ARSG: variants seen among roughly 807,000 people sequenced by gnomAD.
The protein encoded by ARSG is arylsulfatase G.
In ARSG, 37 loss-of-function variants were observed where a neutral mutation model predicts 50.5. The ratio of observed to expected loss-of-function variants is 0.73; its 90% CI spans 0.56 to 0.96. ARSG has a LOEUF of 0.96. Among genes scored for constraint, ARSG ranks in the 50% least tolerant of loss-of-function variants. ARSG has a pLI of 0.00. For synonymous variants in ARSG, 225 were observed against 254.6 expected (o/e 0.88, Z 1.11); for missense variants, 629 against 675.3 (o/e 0.93, Z 0.76).
At chr17:68,387,960 G>A (rs1169146592) in intron 9 of ARSG, among the ~76,000 whole-genome samples, 1 of 152,086 alleles carries the variant, frequency 6.6e-6, no homozygotes, top group Non-Finnish European at 1.5e-5. Flanking sequence ...TGTTAATATC[G>A]GTGTGTACCT....
At chr17:68,431,151 A>G in the ARSG span, among the ~76,000 whole-genome samples, 1 of 152,196 alleles carries the variant, frequency 6.6e-6, no homozygotes, top group East Asian at 1.9e-4. Flanking sequence ...AGATTGAGAG[A>G]GCACGGGTGT....
chr17:68,438,819 C>T, the ARSG span, among the ~76,000 whole-genome samples: 4 of 152,156 alleles, frequency 2.6e-5, no homozygotes, highest in South Asian at 2.1e-4. Context: ...CAGGCTGTCT[C>T]GAACTCGTGA....
At chr17:68,400,874 T>C (rs963534127) in intron 10 of ARSG, among the ~76,000 whole-genome samples, 24 of 152,118 alleles carry the variant, frequency 1.6e-4, no homozygotes, top group African/African-American at 5.1e-4. Flanking sequence ...ACCAGCAAAA[T>C]AACAACTTCA....
upstream of ARSG, among the ~76,000 whole-genome samples, chr17:68,289,624 G>A (rs1555755149): frequency 6.6e-6 from 1 of 152,178 alleles, no homozygotes; most frequent in Non-Finnish European, 1.5e-5. Flanking sequence ...TTTGGCTAAA[G>A]TTCATCTGCA....
At chr17:68,283,892 A>G (rs1372503934) in intron 1 of ARSG, among the ~76,000 whole-genome samples, 8 of 150,634 alleles carry the variant, frequency 5.3e-5, no homozygotes, top group Non-Finnish European at 1.0e-4. Context: ...AAAAAAAAAA[A>G]AAAAAGACCA....
chr17:68,328,230 T>C (rs2077583223), intron 2 of ARSG, among the ~76,000 whole-genome samples: 1 of 152,168 alleles, frequency 6.6e-6, no homozygotes, highest in African/African-American at 2.4e-5. Context: ...CCCATTTAGC[T>C]GGTGATGGCA....
the ARSG span, chr17:68,429,881 G>A: frequency 6.7e-7 from 1 of 1,486,570 alleles, no homozygotes; most frequent in South Asian, 1.2e-5. Context: ...AAGCCACCGT[G>A]CCCAGCCTGG....
chr17:68,438,710 C>T, the ARSG span, among the ~76,000 whole-genome samples: 1 of 152,200 alleles, frequency 6.6e-6, no homozygotes, highest in Non-Finnish European at 1.5e-5. Flanking sequence ...AAGCGATTCT[C>T]CTGTCTCAGC....
the ARSG span, among the ~76,000 whole-genome samples, chr17:68,433,768 T>G: frequency 4.7e-4 from 9 of 19,086 alleles, no homozygotes; most frequent in Admixed American, 8.5e-4. Context: ...TAGTTTTTTT[T>G]TTTTTTTTTT....
At chr17:68,266,448 A>ATATATATACTTTTTTTTTG (rs2075166335) in intron 1 of ARSG, among the ~76,000 whole-genome samples, 1 of 95,372 alleles carries the variant, frequency 1.0e-5, no homozygotes, top group Non-Finnish European at 2.2e-5. Context: ...TTTTTTTTGT[A>ATATATATACTTTTTTTTTG]TAAAAAGTAT....
the ARSG span, among the ~76,000 whole-genome samples, chr17:68,431,208 A>G: frequency 6.6e-6 from 1 of 152,188 alleles, no homozygotes; most frequent in Non-Finnish European, 1.5e-5. Flanking sequence ...TGCTGCACAG[A>G]TGGTCCAGGC....
Position 68,343,626 on chromosome 17 carries a change from GCCTCCACCTGCTCACCCTC to G in ARSG, c.244_262del (p.Ser82GlyfsTer47). On this transcript the variant is annotated frameshift_variant, in exon 3 of 12. Coordinates refer to ENST00000621439, the MANE Select transcript of ARSG (RefSeq NM_001267727.2). LOFTEE classifies it high-confidence loss of function. ...CAGGTTTGTGGATTTCCATGCAGCT[GCCTCCACCTGCTCACCCTC>G]CCGGGCTTCCTTGCTCACCGGCCGG... 2 of 1,612,240 alleles carry G rather than the reference GCCTCCACCTGCTCACCCTC, an allele frequency of 1.2e-6. No individual in the cohort carries two copies. Among genetic ancestry groups the G allele is most frequent in the Non-Finnish European group, 1.7e-6 (2 of 1,178,840 alleles).
rs557958346 is a variant in ARSG, at chr17:68,355,096, G to A, written c.567-1571G>A. 2.6e-5 allele frequency among the ~76,000 whole-genome samples: 4 copies of A among 152,248 alleles called. No individual in the cohort carries two copies. The South Asian group carries it at 8.3e-4, about 32-fold the overall frequency. On this transcript the variant is annotated intron_variant, in intron 5 of 11. Coordinates refer to ENST00000621439, the MANE Select transcript of ARSG (RefSeq NM_001267727.2). ...AGCTTCTCTCTTGGTTCTCTTTGGT[G>A]ACCAGGACTGAGAGCTTGAGATTTT...
At position 68,324,070 on chromosome 17, in the gene ARSG, C is replaced by CAAAA. The variant is rs57040262; in HGVS notation, c.218+16377_218+16380dup. ...CCTGGTTAACAGAGCAAAACTCCAT[C>CAAAA]AAAAAAAAAAAAAAAAAAAAAGTTA... is the stretch of plus-strand genomic sequence containing the variant. On this transcript the variant is annotated intron_variant, in intron 2 of 11. Coordinates refer to ENST00000621439, the MANE Select transcript of ARSG (RefSeq NM_001267727.2). 5.1e-3 allele frequency among the ~76,000 whole-genome samples: 460 copies of CAAAA among 89,762 alleles called. 2 individuals are homozygous for CAAAA. The highest frequency in any genetic ancestry group is 7.3e-3 in the African/African-American group (171 of 23,464). The allele number at this position is 89,762 out of a possible 152,430, so 58.9% of individuals were successfully genotyped here.
chr17:68,312,442 C>T (rs2076900013), intron 2 of ARSG, among the ~76,000 whole-genome samples: 1 of 152,094 alleles, frequency 6.6e-6, no homozygotes, highest in Admixed American at 6.6e-5. Flanking sequence ...CTTCCGCTTT[C>T]AGTGTTTAGC....
At chr17:68,334,400 G>C in intron 2 of ARSG, among the ~76,000 whole-genome samples, 1 of 152,148 alleles carries the variant, frequency 6.6e-6, no homozygotes, top group South Asian at 2.1e-4. Flanking sequence ...GCACACATTT[G>C]GTAGCACCCC....
chr17:68,290,879 C>A (rs1387218947), upstream of ARSG, among the ~76,000 whole-genome samples: 1 of 150,938 alleles, frequency 6.6e-6, no homozygotes, highest in Non-Finnish European at 1.5e-5. Context: ...GCTACCCACA[C>A]CGGCGCGAGC....
the ARSG span, among the ~76,000 whole-genome samples, chr17:68,446,294 C>T: frequency 6.6e-6 from 1 of 152,168 alleles, no homozygotes; most frequent in African/African-American, 2.4e-5. Flanking sequence ...CATTTTCCCA[C>T]CCCAGCCTCT....
intron 11 of ARSG, among the ~76,000 whole-genome samples, chr17:68,418,301 A>C (rs866634971): frequency 6.6e-6 from 1 of 152,224 alleles, no homozygotes; most frequent in African/African-American, 2.4e-5. Context: ...CGAGTCTTTC[A>C]GATTTTTCCC....
Sources: gnomAD v4.1 joint callset for allele counts (sites outside exome capture counted in the v4.1 genomes callset) on GRCh38, gnomAD v4.1.1 for gene constraint, MANE v1.5 for transcripts, NCBI Gene and HGNC (gene_info 2026-07-23, HGNC 2026-07-21) for gene names.